TMEM178B: variants seen among roughly 807,000 people sequenced by gnomAD.
The protein encoded by TMEM178B is transmembrane protein 178B.
Under a neutral mutation model 31.0 loss-of-function variants are expected in TMEM178B, and 5 were observed. The observed-to-expected ratio is 0.16, with a 90% CI of 0.08 to 0.34. TMEM178B has a LOEUF of 0.34. Among genes scored for constraint, TMEM178B ranks in the 10% least tolerant of loss-of-function variants. The pLI is 1.00. For synonymous variants in TMEM178B, 164 were observed against 164.0 expected, an observed-to-expected ratio of 1.00 and a Z score of 0.00; for missense variants, 275 against 400.3, an observed-to-expected ratio of 0.69 and a Z score of 2.67.
At chr7:141,133,059 C>T (rs572236261) in intron 1 of TMEM178B, among the ~76,000 whole-genome samples, 1 of 152,130 alleles carries the variant, frequency 6.6e-6, no homozygotes, top group African/African-American at 2.4e-5. Context: ...ACCCAAATAA[C>T]ATTATAGATA....
At chr7:141,253,740 CG>C (rs1797874077) in intron 2 of TMEM178B, among the ~76,000 whole-genome samples, 1 of 151,432 alleles carries the variant, frequency 6.6e-6, no homozygotes, top group Non-Finnish European at 1.5e-5. Context: ...TTAGTAGAGA[CG>C]GGGTTTCACC....
chr7:141,218,191 T>C (rs773160156), intron 2 of TMEM178B, among the ~76,000 whole-genome samples: 40 of 151,772 alleles, frequency 2.6e-4, no homozygotes, highest in Non-Finnish European at 4.7e-4. Flanking sequence ...ATCTACAGCA[T>C]TGGGGGTCCT....
At chr7:141,244,026 G>A (rs934059431) in intron 2 of TMEM178B, among the ~76,000 whole-genome samples, 4 of 152,122 alleles carry the variant, frequency 2.6e-5, no homozygotes, top group Admixed American at 2.6e-4. Context: ...ACATTTTGGG[G>A]GAGCGTTTTG....
intron 1 of TMEM178B, among the ~76,000 whole-genome samples, chr7:141,204,800 G>T (rs566537006): frequency 6.6e-6 from 1 of 152,114 alleles, no homozygotes; most frequent in African/African-American, 2.4e-5. Flanking sequence ...TTTGCTGTGC[G>T]AATGTAAACA....
At chr7:141,431,147 G>C (rs149134302) in intron 2 of TMEM178B, 15 of 149,310 alleles carry the variant, frequency 1.0e-4, no homozygotes, top group African/African-American at 3.5e-4. Flanking sequence ...AAGGTCTAAC[G>C]CATACTTACC....
At chr7:141,435,364 C>T (rs1434159039) in intron 2 of TMEM178B, among the ~76,000 whole-genome samples, 2 of 151,944 alleles carry the variant, frequency 1.3e-5, no homozygotes, top group Non-Finnish European at 2.9e-5. Context: ...CCTCTTCCCA[C>T]CACCTTTTGG....
At chr7:141,441,524 CGACAGG>C (rs1412117272) in intron 3 of TMEM178B, among the ~76,000 whole-genome samples, 2 of 152,072 alleles carry the variant, frequency 1.3e-5, no homozygotes, top group Admixed American at 6.5e-5. Flanking sequence ...AACCGAGCAC[CGACAGG>C]AGCCTGAGGG....
rs545062674 is a variant in TMEM178B, at chr7:141,409,577, T to C, written c.497-28031T>C. ...GGTATTTTTATTAATTTATTTTAGT[T>C]GGCATCCTTTCCTTTCCTGGGAGAG... On this transcript the variant is annotated intron_variant, in intron 2 of 3. Coordinates refer to ENST00000565468, the MANE Select transcript of TMEM178B (RefSeq NM_001195278.2). Among the ~76,000 whole-genome samples the C allele has an allele frequency of 1.1e-3, 164 of 152,312 alleles. 3 individuals carry two copies. The South Asian group carries it at 0.032, about 29-fold the overall frequency.
chr7:141,414,229 C>T lies in TMEM178B; in HGVS notation c.497-23379C>T, dbSNP rs1242743557. 2.9e-5 allele frequency among the ~76,000 whole-genome samples: 2 copies of T among 68,692 alleles called. 1 individual carries two copies. Among genetic ancestry groups the T allele is most frequent in the Non-Finnish European group, 5.2e-5 (2 of 38,502 alleles). The allele number at this position is 68,692 out of a possible 152,430, so 45.1% of individuals were successfully genotyped here. On this transcript the variant is annotated intron_variant, in intron 2 of 3. Coordinates refer to ENST00000565468, the MANE Select transcript of TMEM178B (RefSeq NM_001195278.2). ...CCTCCCGAGTAGCTGGGACTACAGG[C>T]GCCCGCCACCGCGCCCGGCTAATTT...
At chr7:141,238,670 G>A (rs1332447706) in intron 2 of TMEM178B, among the ~76,000 whole-genome samples, 32 of 152,216 alleles carry the variant, frequency 2.1e-4, no homozygotes. Flanking sequence ...GGCAGGTTCA[G>A]CAGTAACGCG....
At chr7:141,503,902 A>G in the TMEM178B span, among the ~76,000 whole-genome samples, 1 of 152,210 alleles carries the variant, frequency 6.6e-6, no homozygotes, top group Non-Finnish European at 1.5e-5. Context: ...ACGTATGTGT[A>G]TCAATTTGGA....
At chr7:141,366,223 G>C (rs1800002047) in intron 2 of TMEM178B, among the ~76,000 whole-genome samples, 1 of 152,162 alleles carries the variant, frequency 6.6e-6, no homozygotes, top group Non-Finnish European at 1.5e-5. Flanking sequence ...GGAGACCAAA[G>C]AGCCTGCTGA....
At chr7:141,465,131 G>A (rs1802128005) in intron 3 of TMEM178B, among the ~76,000 whole-genome samples, 1 of 152,194 alleles carries the variant, frequency 6.6e-6, no homozygotes, top group African/African-American at 2.4e-5. Context: ...GCCATGGTCT[G>A]CTCCTGCTGG....
intron 1 of TMEM178B, among the ~76,000 whole-genome samples, chr7:141,155,385 C>T (rs1796051553): frequency 6.6e-6 from 1 of 152,130 alleles, no homozygotes; most frequent in South Asian, 2.1e-4. Context: ...GGGGATGGCT[C>T]TTCTTAATTT....
chr7:141,365,915 G>A (rs1271537967), intron 2 of TMEM178B, among the ~76,000 whole-genome samples: 2 of 152,098 alleles, frequency 1.3e-5, no homozygotes, highest in East Asian at 3.9e-4. Flanking sequence ...ATCTTTTTTG[G>A]GGATACAATT....
At chr7:141,410,966 A>G (rs1195886194) in intron 2 of TMEM178B, among the ~76,000 whole-genome samples, 1 of 152,210 alleles carries the variant, frequency 6.6e-6, no homozygotes, top group Admixed American at 6.5e-5. Flanking sequence ...CAAAATAACA[A>G]ATGTTGTATG....
At chr7:141,300,116 T>A (rs1383183006) in intron 2 of TMEM178B, among the ~76,000 whole-genome samples, 1 of 152,154 alleles carries the variant, frequency 6.6e-6, no homozygotes, top group Non-Finnish European at 1.5e-5. Context: ...AATGTCAACA[T>A]TGAACATATT....
intron 2 of TMEM178B, among the ~76,000 whole-genome samples, chr7:141,395,446 C>A (rs1157982398): frequency 1.3e-5 from 2 of 152,090 alleles, no homozygotes; most frequent in African/African-American, 4.8e-5. Context: ...GTCTCAAAAA[C>A]AAAATCAAAA....
chr7:141,463,105 G>C (rs1289021622), intron 3 of TMEM178B, among the ~76,000 whole-genome samples: 1 of 152,188 alleles, frequency 6.6e-6, no homozygotes, highest in Non-Finnish European at 1.5e-5. Flanking sequence ...GCTACTTGGG[G>C]TGGTGCCATC....
Sources: allele counts gnomAD v4.1 joint callset (sites outside exome capture counted in the v4.1 genomes callset), GRCh38; gene constraint gnomAD v4.1.1; transcripts MANE v1.5; gene names NCBI Gene and HGNC (gene_info 2026-07-23, HGNC 2026-07-21).